Variants in HPS1 observed in about 807,000 individuals in gnomAD.
The protein encoded by HPS1 is BLOC-3 complex member HPS1.
A neutral mutation model predicts 90.6 loss-of-function variants in HPS1; 59 were observed. The observed-to-expected ratio is 0.65, with a 90% CI of 0.53 to 0.81. The LOEUF (loss-of-function observed/expected upper bound fraction) is 0.81, where lower values mean the gene tolerates loss of function less well. Ranked by LOEUF, HPS1 falls within the 30% of genes least tolerant of loss-of-function variation. HPS1 has a pLI of 0.00. For synonymous variants in HPS1, 388 were observed against 384.4 expected, an observed-to-expected ratio of 1.01 and a Z score of -0.11; for missense variants, 849 against 896.7, an observed-to-expected ratio of 0.95 and a Z score of 0.68.
At chr10:98,441,690 A>T (rs913301727) in intron 3 of HPS1, among the ~76,000 whole-genome samples, 1 of 152,242 alleles carries the variant, frequency 6.6e-6, no homozygotes, top group Non-Finnish European at 1.5e-5. Flanking sequence ...CAATCAACTC[A>T]AATAAAAACT....
chr10:98,430,986 G>C (rs1348322810), intron 7 of HPS1, 145 bp downstream of exon 7: 1 of 840,800 alleles, frequency 1.2e-6, no homozygotes, highest in Non-Finnish European at 2.0e-6. Flanking sequence ...GCTGAAAAAG[G>C]TTGGAGAATC....
At chr10:98,427,962 G>A (rs1235098923) in intron 10 of HPS1, among the ~76,000 whole-genome samples, 4 of 152,122 alleles carry the variant, frequency 2.6e-5, no homozygotes, top group South Asian at 2.1e-4. Context: ...TTCTCTGCAC[G>A]GTGGAACAGC....
In HPS1 at chr10:98,417,445, G is replaced by A. The variant is rs924220414; in HGVS notation, c.*119C>T. ...TTTTAGAAGCCCTGGGGCCACCCTG[G>A]GCACTCTGCCCTATCCTCAGGATGG... On this transcript the variant is annotated 3_prime_UTR_variant, in exon 20 of 20. Coordinates refer to ENST00000361490, the MANE Select transcript of HPS1 (RefSeq NM_000195.5). This position sits in a 1 kb window ranked among gnomAD's most constrained non-coding sequence, Gnocchi z 4.2. 2.3e-6 allele frequency: 2 copies of A among 882,962 alleles called. No individual in the cohort carries two copies. The highest frequency in any genetic ancestry group is 3.4e-6 in the Non-Finnish European group (2 of 582,864). The allele number at this position is 882,962 out of a possible 1,614,324, so 54.7% of individuals were successfully genotyped here.
chr10:98,432,547 C>G (rs1846627331), intron 6 of HPS1, among the ~76,000 whole-genome samples: 1 of 152,208 alleles, frequency 6.6e-6, no homozygotes, highest in Admixed American at 6.5e-5. Flanking sequence ...TATGTCTCAT[C>G]TGCTATTTAA....
At position 98,431,239 on chromosome 10, in the gene HPS1, A is replaced by C; in HGVS notation, c.560T>G (p.Leu187Arg). 6.2e-7 allele frequency: 1 copy of C among 1,613,994 alleles called. No homozygotes were observed. The highest frequency in any genetic ancestry group is 1.1e-5 in the South Asian group (1 of 91,078). Reference protein sequence around the residue: ...PQLCELCIEALERHVIQAVNT... With the variant: ...PQLCELCIEARERHVIQAVNT... Reference sequence around the variant, plus strand: ...GACAGCCTGGATGACGTGCCGCTCCAGCGCCTCTATGCACAGCTCACAGAG... The same window carrying C: ...GACAGCCTGGATGACGTGCCGCTCCCGCGCCTCTATGCACAGCTCACAGAG... The change falls in exon 7 of 20, where the codon CTG becomes CGG. Residue 187 changes from leucine (L) to arginine (R), a missense_variant. Coordinates refer to ENST00000361490, the MANE Select transcript of HPS1 (RefSeq NM_000195.5).
At chr10:98,426,115 A>G in intron 11 of HPS1, 130 bp from the exon 12 acceptor site, 4 of 783,162 alleles carry the variant, frequency 5.1e-6, no homozygotes, top group Non-Finnish European at 8.2e-6. Context: ...AAATTCCTGC[A>G]CTCTGCTGAA....
rs1454227959 is a variant in HPS1, at chr10:98,434,956, G to A, written c.398+316C>T. ...TAGCTCAGACCAGATTTGTAATGAC[G>A]GGTGATGATGTTGGGAGGATGGAAA... is the stretch of plus-strand genomic sequence containing the variant. On this transcript the variant is annotated intron_variant, in intron 5 of 19. Coordinates refer to ENST00000361490, the MANE Select transcript of HPS1 (RefSeq NM_000195.5). 3.9e-5 allele frequency: 16 copies of A among 405,828 alleles called. No homozygotes were observed. In the East Asian group the frequency reaches 5.6e-4, roughly 14 times the overall value. The allele number at this position is 405,828 out of a possible 1,614,324, so 25.1% of individuals were successfully genotyped here.
chr10:98,425,582 T>C lies in HPS1; in HGVS notation c.1294A>G (p.Met432Val). The C allele has an allele frequency of 5.0e-6, 8 of 1,613,628 alleles. No individual in the cohort carries two copies. Among genetic ancestry groups the C allele is most frequent in the Non-Finnish European group, 6.8e-6 (8 of 1,179,862 alleles). Residue 432 changes from methionine (M) to valine (V), a missense_variant, in exon 13 of 20, where the codon ATG (methionine) becomes GTG (valine). Transcript: ENST00000361490. ...CCTCGATTCTTGACAAACTTGTCCATCCTCTGGCGCAGGTCTCCCACGAGG... is the reference window on the plus strand; with the variant it reads ...CCTCGATTCTTGACAAACTTGTCCACCCTCTGGCGCAGGTCTCCCACGAGG... ...QPLVGDLRQR[M>V]DKFVKNRGAQ...
chr10:98,425,995 A>T lies in HPS1; in HGVS notation c.988-10T>A. On this transcript the variant is annotated splice_polypyrimidine_tract_variant and intron_variant, in intron 11 of 19. Transcript: ENST00000361490. ...GGGTGTCCTCTGCTATCTACAGAGG[A>T]AGAAGAGCTGCAGTGAGAGGTGGGA... The T allele has an allele frequency of 6.2e-7, 1 of 1,613,650 alleles. No homozygotes were observed. Among genetic ancestry groups the T allele is most frequent in the Non-Finnish European group, 8.5e-7 (1 of 1,179,770 alleles).
Position 98,422,494 on chromosome 10 carries a change from C to T in HPS1, c.1618G>A (p.Gly540Ser), listed in dbSNP as rs1209990644. Residue 540 changes from glycine (G) to serine (S), a missense_variant, in exon 17 of 20, where the codon GGC becomes AGC. Transcript: ENST00000361490. ...TCCACATAGATGAAGTGCACCAAGCCTGGGAAGTCTTCTAGGTAGGTGAAG... is the reference window on the plus strand; with the variant it reads ...TCCACATAGATGAAGTGCACCAAGCTTGGGAAGTCTTCTAGGTAGGTGAAG... ...TMVSYLEDFP[G>S]LVHFIYVDRT... 6.2e-7 allele frequency: 1 copy of T among 1,614,186 alleles called. No individual in the cohort carries two copies.
Position 98,438,123 on chromosome 10 carries a change from T to C in HPS1, c.118-2351A>G, listed in dbSNP as rs142328805. On this transcript the variant is annotated intron_variant, in intron 3 of 19. Transcript: ENST00000361490. Reference sequence around the variant, plus strand: ...TGAACTGTGAGTCAATTAAACCTTTTTTCTTTATAAATTACCCAGTCTCAG... The same window carrying C: ...TGAACTGTGAGTCAATTAAACCTTTCTTCTTTATAAATTACCCAGTCTCAG... 6.8e-3 allele frequency among the ~76,000 whole-genome samples: 1,031 copies of C among 152,356 alleles called. 14 individuals carry two copies. Among genetic ancestry groups the C allele is most frequent in the African/African-American group, 0.024 (984 of 41,580 alleles).
chr10:98,427,151 C>T (rs986384041), intron 11 of HPS1, 64 bp downstream of exon 11: 2 of 1,362,306 alleles, frequency 1.5e-6, no homozygotes, highest in African/African-American at 2.9e-5. Context: ...ACCCTCAGAG[C>T]CCCCAATACT....
At position 98,445,774 on chromosome 10, in the gene HPS1, G is replaced by A. The variant is rs1939398072; in HGVS notation, c.-105-370C>T. ...CAGGTGGTGAGGATGCAGTCCCGGT[G>A]AAGGGAGTGGGGATCCTGGGATGAT... On this transcript the variant is annotated intron_variant, in intron 1 of 19. Coordinates refer to ENST00000361490, the MANE Select transcript of HPS1 (RefSeq NM_000195.5). The surrounding 1 kb of genome is among the most constrained non-coding windows in gnomAD (Gnocchi z 4.5). Among the ~76,000 whole-genome samples, 1 of 152,208 alleles carries A rather than the reference G, an allele frequency of 6.6e-6. No individual in the cohort carries two copies. Among genetic ancestry groups the A allele is most frequent in the Admixed American group, 6.5e-5 (1 of 15,282 alleles).
At chr10:98,419,995 G>T in intron 18 of HPS1, 50 bp downstream of exon 18, 1 of 1,082,436 alleles carries the variant, frequency 9.2e-7, no homozygotes, top group Non-Finnish European at 1.4e-6. Context: ...GAGTTACAGA[G>T]CGGGAAGTGT....
Position 98,431,806 on chromosome 10 carries a change from G to A in HPS1, c.508-515C>T, listed in dbSNP as rs371306133. Among the ~76,000 whole-genome samples the A allele has an allele frequency of 1.4e-4, 22 of 152,256 alleles. No individual in the cohort carries two copies. The East Asian group carries it at 3.7e-3, about 25-fold the overall frequency. On this transcript the variant is annotated intron_variant, in intron 6 of 19. Transcript: ENST00000361490. ...CCTATGCATAATTTAAATGTTTCCA[G>A]TGACCACATTAAAAAAGTAAAAAGA... is the stretch of plus-strand genomic sequence containing the variant.
At chr10:98,416,150 T>G (rs535765355), downstream of HPS1, 1 of 152,412 alleles carries the variant, frequency 6.6e-6, no homozygotes, top group Admixed American at 6.5e-5. Context: ...CGAGGACCCC[T>G]CCACACACCA....
intron 6 of HPS1, 23 bp downstream of exon 6, chr10:98,433,960 G>A: frequency 6.4e-7 from 1 of 1,551,708 alleles, no homozygotes; most frequent in South Asian, 1.2e-5. Flanking sequence ...CAAGTCCTGA[G>A]GACTCCCGCG....
At chr10:98,421,633 C>T (rs928426441) in intron 17 of HPS1, among the ~76,000 whole-genome samples, 1 of 152,160 alleles carries the variant, frequency 6.6e-6, no homozygotes, top group African/African-American at 2.4e-5. Flanking sequence ...CCAACTGTCT[C>T]CAGAATGAGG....
Position 98,445,076 on chromosome 10 carries a change from G to A in HPS1, c.-1+224C>T, listed in dbSNP as rs1939241461. ...GGTGGGGGCTGGGAGGAGCTTTAAA[G>A]ATGCAGCAGGCTGTGATGACCTGCC... On this transcript the variant is annotated intron_variant, in intron 2 of 19. Transcript: ENST00000361490. This position sits in a 1 kb window ranked among gnomAD's most constrained non-coding sequence, Gnocchi z 4.5. Among the ~76,000 whole-genome samples, 1 of 152,170 alleles carries A rather than the reference G, an allele frequency of 6.6e-6. No homozygotes were observed. Among genetic ancestry groups the A allele is most frequent in the Non-Finnish European group, 1.5e-5 (1 of 68,022 alleles).
Sources: gnomAD v4.1 joint callset for allele counts (sites outside exome capture counted in the v4.1 genomes callset) on GRCh38, gnomAD v4.1.1 for gene constraint, Gnocchi (gnomAD v3.1) non-coding constraint, MANE v1.5 for transcripts, NCBI Gene and HGNC (gene_info 2026-07-23, HGNC 2026-07-21) for gene names.